Variants in SDK2 observed in about 807,000 individuals in gnomAD.
SDK2 encodes the protein sidekick cell adhesion molecule 2.
A neutral mutation model predicts 253.9 loss-of-function variants in SDK2; 105 were observed. The ratio of observed to expected loss-of-function variants is 0.41; its 90% CI spans 0.35 to 0.49. The LOEUF (loss-of-function observed/expected upper bound fraction) is 0.49, where lower values mean the gene tolerates loss of function less well. Among genes scored for constraint, SDK2 ranks in the 20% least tolerant of loss-of-function variants. The pLI is 0.06. For synonymous variants in SDK2, 1,249 were observed against 1,234.9 expected (o/e 1.01, Z -0.24); for missense variants, 2,608 against 3,003.0 (o/e 0.87, Z 3.07).
intron 28 of SDK2, 55 bp from the exon 29 acceptor site, chr17:73,390,536 GC>G: frequency 6.6e-7 from 1 of 1,525,706 alleles, no homozygotes; most frequent in Non-Finnish European, 8.9e-7. Flanking sequence ...CGCTCCTAGG[GC>G]CCCGGGAAGG....
At chr17:73,576,522 G>A (rs375767385) in intron 1 of SDK2, among the ~76,000 whole-genome samples, 6 of 152,222 alleles carry the variant, frequency 3.9e-5, no homozygotes, top group Non-Finnish European at 5.9e-5. Context: ...CAGGCTTGCC[G>A]GACACAGGTG....
chr17:73,468,690 ATT>A (rs151162336), intron 3 of SDK2, among the ~76,000 whole-genome samples: 3,424 of 148,852 alleles, frequency 0.023, 133 homozygotes, highest in African/African-American at 0.079. Context: ...TTTTTTTTTA[ATT>A]TTTTTTTTAT....
chr17:73,397,096 G>C (rs1438445456), intron 24 of SDK2, among the ~76,000 whole-genome samples: 3 of 152,252 alleles, frequency 2.0e-5, no homozygotes, highest in Non-Finnish European at 4.4e-5. Flanking sequence ...TGGAAACAAA[G>C]GGTTTGTGTG....
rs113736015 is a variant in SDK2 at position 73,639,649 on chromosome 17, C to T, written c.64+4376G>A. Among the ~76,000 whole-genome samples, 6 of 152,244 alleles carry T rather than the reference C, an allele frequency of 3.9e-5. 1 individual carries two copies. Among genetic ancestry groups the T allele is most frequent in the South Asian group, 2.1e-4 (1 of 4,816 alleles). On this transcript the variant is annotated intron_variant, in intron 1 of 44. Coordinates refer to ENST00000392650, the MANE Select transcript of SDK2 (RefSeq NM_001144952.2). The surrounding 1 kb of genome is among the most constrained non-coding windows in gnomAD (Gnocchi z 4.3). ...GGAGCGGGGTAGAAACCCCGCAGGGCGCACACTAACACCCGACATCAATTC... is the reference window on the plus strand; with the variant it reads ...GGAGCGGGGTAGAAACCCCGCAGGGTGCACACTAACACCCGACATCAATTC...
chr17:73,401,384 C>T (rs2063024402), intron 20 of SDK2, among the ~76,000 whole-genome samples, 173 bp from the exon 21 acceptor site: 1 of 152,120 alleles, frequency 6.6e-6, no homozygotes, highest in Non-Finnish European at 1.5e-5. Flanking sequence ...GGTGTCGCCT[C>T]AGTGGGATGC....
intron 1 of SDK2, among the ~76,000 whole-genome samples, chr17:73,554,593 T>G (rs1281389140): frequency 6.6e-6 from 1 of 152,238 alleles, no homozygotes; most frequent in Non-Finnish European, 1.5e-5. Context: ...CTTGGACTTC[T>G]GGTCTCTAGA....
intron 1 of SDK2, among the ~76,000 whole-genome samples, chr17:73,599,666 T>C (rs545001589): frequency 1.3e-5 from 2 of 152,152 alleles, no homozygotes; most frequent in African/African-American, 4.8e-5. Context: ...GAACACACAT[T>C]AAGCCAGTTT....
rs137923467 is a variant in SDK2 at position 73,515,614 on chromosome 17, G to A, written c.65-8017C>T. On this transcript the variant is annotated intron_variant, in intron 1 of 44. Coordinates refer to ENST00000392650, the MANE Select transcript of SDK2 (RefSeq NM_001144952.2). The stretch of plus-strand genomic sequence containing the variant: ...AGGTCAAATAGCACAGAAGATGAAC[G>A]CATGCAGGCGTGGGGGCCAAGTAAA... 2.0e-3 allele frequency among the ~76,000 whole-genome samples: 298 copies of A among 152,342 alleles called. 1 individual carries two copies. The highest frequency in any genetic ancestry group is 3.0e-3 in the Non-Finnish European group (206 of 68,014).
rs1473580194 is a variant in SDK2, at chr17:73,337,219, G to C, written c.*1368C>G. 1 of 152,390 alleles carries C rather than the reference G, an allele frequency of 6.6e-6. No homozygotes were observed. Among genetic ancestry groups the C allele is most frequent in the Non-Finnish European group, 1.5e-5 (1 of 68,166 alleles). 9.4% of individuals were successfully genotyped at this position (152,390 alleles called of 1,614,324 possible). A position where few individuals can be genotyped will look rare whatever the true frequency, so the allele number is the denominator to read the frequency against. On this transcript the variant is annotated 3_prime_UTR_variant, in exon 45 of 45. Transcript: ENST00000392650. ...CCCCTTCCCCTCCCCGCCCTGGCCA[G>C]GCGGAGCCCAGCCTGGAAGCTGTTA... is the stretch of plus-strand genomic sequence containing the variant.
chr17:73,608,609 A>AT (rs956525024), intron 1 of SDK2, among the ~76,000 whole-genome samples: 3 of 151,928 alleles, frequency 2.0e-5, no homozygotes, highest in African/African-American at 7.3e-5. Flanking sequence ...CGCCCAGATA[A>AT]TTTTTTTATT....
chr17:73,460,949 C>T (rs1487781544), intron 3 of SDK2, among the ~76,000 whole-genome samples: 5 of 152,118 alleles, frequency 3.3e-5, no homozygotes, highest in Admixed American at 6.6e-5. Context: ...TTATTAGCTC[C>T]ATTTTGCTGG....
rs368858739 is a variant in SDK2, at chr17:73,338,961, G to C, written c.6166-21C>G. 1.3e-5 allele frequency: 21 copies of C among 1,609,472 alleles called. No individual in the cohort carries two copies. Among genetic ancestry groups the C allele is most frequent in the Non-Finnish European group, 1.8e-5 (21 of 1,175,940 alleles). On this transcript the variant is annotated intron_variant, in intron 44 of 44. Coordinates refer to ENST00000392650, the MANE Select transcript of SDK2 (RefSeq NM_001144952.2). The surrounding 1 kb of genome is among the most constrained non-coding windows in gnomAD (Gnocchi z 5.0). ...CTTCCCTGGGAGGACAGAGAATCAG[G>C]GTGTGTCAGTGGCCCCGTAGGGACA... is the stretch of plus-strand genomic sequence containing the variant.
Position 73,594,872 on chromosome 17 carries a change from C to T in SDK2, c.64+49153G>A, listed in dbSNP as rs117780202. Among the ~76,000 whole-genome samples the T allele has an allele frequency of 2.5e-3, 378 of 152,082 alleles. 6 individuals are homozygous for T. The South Asian group carries it at 0.035, about 14-fold the overall frequency. The stretch of plus-strand genomic sequence containing the variant: ...CATGCACACATGCAAATACACACAG[C>T]ACATACATAGCACACACCTGCACAT... On this transcript the variant is annotated intron_variant, in intron 1 of 44. Coordinates refer to ENST00000392650, the MANE Select transcript of SDK2 (RefSeq NM_001144952.2).
Position 73,395,432 on chromosome 17 carries a change from G to GC in SDK2, c.3355-41dup. The stretch of plus-strand genomic sequence containing the variant: ...GGGTGGCAAAGCTGCTATGAGCCAG[G>GC]CCCCCCACTGTGCAGGGAGGAACTG... On this transcript the variant is annotated intron_variant, in intron 24 of 44. Coordinates refer to ENST00000392650, the MANE Select transcript of SDK2 (RefSeq NM_001144952.2). The surrounding 1 kb of genome is among the most constrained non-coding windows in gnomAD (Gnocchi z 4.3). The GC allele has an allele frequency of 1.9e-6, 3 of 1,552,914 alleles. No homozygotes were observed. The highest frequency in any genetic ancestry group is 1.1e-5 in the South Asian group (1 of 89,354).
chr17:73,346,494 C>T (rs759649113), intron 44 of SDK2, among the ~76,000 whole-genome samples: 2 of 151,924 alleles, frequency 1.3e-5, no homozygotes, highest in Admixed American at 1.3e-4. Flanking sequence ...TTCCATCAAA[C>T]AGGCCTTTAA....
chr17:73,414,858 T>C (rs2063167559), intron 17 of SDK2, 99 bp from the exon 18 acceptor site: 1 of 725,414 alleles, frequency 1.4e-6, no homozygotes, highest in Non-Finnish European at 2.4e-6. Flanking sequence ...CTATAGCCTC[T>C]GCCTTGCACC....
At chr17:73,473,465 C>T (rs1221497607) in intron 2 of SDK2, among the ~76,000 whole-genome samples, 1 of 152,126 alleles carries the variant, frequency 6.6e-6, no homozygotes, top group African/African-American at 2.4e-5. Context: ...TCATTGGTAT[C>T]CTAGGGTTTG....
In SDK2 at chr17:73,438,291, T is replaced by C. The variant is rs1045246262; in HGVS notation, c.726-137A>G. ...TGCCACCTTCCTGCCACTTTGTAGA[T>C]GCAAGATCTTGGGCAAGTTCCCACA... On this transcript the variant is annotated intron_variant, in intron 6 of 44. Transcript: ENST00000392650. The C allele has an allele frequency of 8.1e-6, 6 of 738,930 alleles. No individual in the cohort carries two copies. The Admixed American group carries it at 8.5e-5, about 10-fold the overall frequency. 45.8% of individuals were successfully genotyped at this position (738,930 alleles called of 1,614,324 possible).
Position 73,608,919 on chromosome 17 carries a change from C to T in SDK2, c.64+35106G>A, listed in dbSNP as rs114430583. ...GATGGTGGCTGGCACCGTGTCGCAG[C>T]GGAGAAGGATGATGAGAAGCAACTG... On this transcript the variant is annotated intron_variant, in intron 1 of 44. Transcript: ENST00000392650. Among the ~76,000 whole-genome samples, 511 of 152,222 alleles carry T rather than the reference C, an allele frequency of 3.4e-3. 1 individual carries two copies. Among genetic ancestry groups the T allele is most frequent in the African/African-American group, 0.011 (461 of 41,516 alleles).
Sources: gnomAD v4.1 joint callset for allele counts (sites outside exome capture counted in the v4.1 genomes callset) on GRCh38, gnomAD v4.1.1 for gene constraint, Gnocchi (gnomAD v3.1) non-coding constraint, MANE v1.5 for transcripts, NCBI Gene and HGNC (gene_info 2026-07-23, HGNC 2026-07-21) for gene names.